Variants in SHOC1 observed in about 807,000 individuals in gnomAD.
SHOC1 encodes the protein protein shortage in chiasmata 1 ortholog.
A neutral mutation model predicts 179.2 loss-of-function variants in SHOC1; 136 were observed. The ratio of observed to expected loss-of-function variants is 0.76; its 90% CI spans 0.66 to 0.87. SHOC1 has a LOEUF of 0.87. Ranked by LOEUF, SHOC1 falls within the 40% of genes least tolerant of loss-of-function variation. SHOC1 has a pLI of 0.00. For missense variants in SHOC1, 1,538 were observed against 1,700.8 expected, an observed-to-expected ratio of 0.90 and a Z score of 1.68; for synonymous variants, 489 against 586.6, an observed-to-expected ratio of 0.83 and a Z score of 2.41.
intron 22 of SHOC1, 86 bp from the exon 23 acceptor site, chr9:111,702,312 A>G: frequency 1.1e-6 from 1 of 918,674 alleles, no homozygotes; most frequent in South Asian, 1.6e-5. Flanking sequence ...AGAATCTATG[A>G]CATATAAATA....
chr9:111,758,906 G>C (rs982350625), intron 5 of SHOC1, 58 bp from the exon 6 acceptor site: 3 of 1,045,030 alleles, frequency 2.9e-6, no homozygotes, highest in African/African-American at 3.2e-5. Context: ...TATCCAAAGA[G>C]ATCTAGATAG....
Position 111,694,372 on chromosome 9 carries a change from AT to A in SHOC1, c.3184-11del, listed in dbSNP as rs1423243589. The A allele has an allele frequency of 1.9e-6, 3 of 1,590,388 alleles. No homozygotes were observed. Among genetic ancestry groups the A allele is most frequent in the African/African-American group, 2.7e-5 (2 of 74,252 alleles). Reference sequence around the variant, plus strand: ...CTGGGGCAATTATAAGCTAAAAAATATTTTTTATGTTAGATTATAGGAAATA... The same window carrying A: ...CTGGGGCAATTATAAGCTAAAAAATATTTTTATGTTAGATTATAGGAAATA... On this transcript the variant is annotated splice_polypyrimidine_tract_variant and intron_variant, in intron 24 of 27. Coordinates refer to ENST00000682961, the MANE Select transcript of SHOC1 (RefSeq NM_001378211.1).
Position 111,724,921 on chromosome 9 carries a change from T to G in SHOC1, c.1835-1010A>C, listed in dbSNP as rs149583713. Among the ~76,000 whole-genome samples the G allele has an allele frequency of 1.1e-3, 165 of 152,270 alleles. 1 individual carries two copies. Among genetic ancestry groups the G allele is most frequent in the Admixed American group, 2.9e-3 (45 of 15,290 alleles). On this transcript the variant is annotated intron_variant, in intron 13 of 27. Coordinates refer to ENST00000682961, the MANE Select transcript of SHOC1 (RefSeq NM_001378211.1). ...GTAATTTAGTGCCAGGCACAAAGTA[T>G]CTAATAAATGTTAGTTTTTTTTTCT... is the stretch of plus-strand genomic sequence containing the variant.
rs186643128 is a variant in SHOC1, at chr9:111,717,454, A to T, written c.2236+730T>A. ...ACTAAAAATACAAAATTAGCCAGGC[A>T]TGGTGGCGGGCGCCTGTAATTCCAG... On this transcript the variant is annotated intron_variant, in intron 16 of 27. Transcript: ENST00000682961. Among the ~76,000 whole-genome samples the T allele has an allele frequency of 2.1e-3, 322 of 152,144 alleles. 2 individuals carry two copies. Among genetic ancestry groups the T allele is most frequent in the Non-Finnish European group, 3.0e-3 (206 of 67,982 alleles).
At chr9:111,792,477 C>T (rs991541301) in intron 1 of SHOC1, among the ~76,000 whole-genome samples, 2 of 152,038 alleles carry the variant, frequency 1.3e-5, no homozygotes, top group Non-Finnish European at 2.9e-5. Context: ...TGGTGTGCAC[C>T]TGTAGTCCCA....
At chr9:111,761,893 A>G (rs531013873) in intron 5 of SHOC1, among the ~76,000 whole-genome samples, 1 of 152,294 alleles carries the variant, frequency 6.6e-6, no homozygotes, top group Admixed American at 6.5e-5. Context: ...TTACCACAAC[A>G]TCAGCAGTAA....
At chr9:111,759,195 A>C in intron 5 of SHOC1, 1 of 1,613,470 alleles carries the variant, frequency 6.2e-7, no homozygotes, top group Non-Finnish European at 8.5e-7. Flanking sequence ...AAAATTTTAA[A>C]GAAATAGAAG....
At chr9:111,709,018 T>C (rs1030105612) in intron 18 of SHOC1, among the ~76,000 whole-genome samples, 4 of 152,172 alleles carry the variant, frequency 2.6e-5, no homozygotes, top group African/African-American at 7.2e-5. Flanking sequence ...TATTTCTCTT[T>C]TATAATTCAT....
rs1483636774 is a variant in SHOC1 at position 111,732,486 on chromosome 9, C to T, written c.1418-4437G>A. On this transcript the variant is annotated intron_variant, in intron 12 of 27. Transcript: ENST00000682961. ...CACAAAAATATTTATAACTTTTATT[C>T]ACAATAATAAAAAACTGGGGGAAAA... 2.6e-5 allele frequency among the ~76,000 whole-genome samples: 4 copies of T among 151,978 alleles called. No individual in the cohort carries two copies. In the East Asian group the frequency reaches 7.7e-4, roughly 29 times the overall value.
chr9:111,786,871 C>T (rs1050126816), intron 2 of SHOC1, among the ~76,000 whole-genome samples: 1 of 152,156 alleles, frequency 6.6e-6, no homozygotes, highest in Non-Finnish European at 1.5e-5. Context: ...CTTCAAAGGA[C>T]AAGCTGACTC....
rs903447031 is a variant in SHOC1, at chr9:111,699,811, T to C, written c.3183+143A>G. On this transcript the variant is annotated intron_variant, in intron 24 of 27. Transcript: ENST00000682961. ...AACAGAATAATGATAAAATGTTTAT[T>C]AATTTGAAAACTATTCTTTATTTAG... 3 of 498,192 alleles carry C rather than the reference T, an allele frequency of 6.0e-6. No individual in the cohort carries two copies. In the East Asian group the frequency reaches 9.3e-5, roughly 15 times the overall value. The allele number at this position is 498,192 out of a possible 1,614,324, so 30.9% of individuals were successfully genotyped here.
At chr9:111,781,461 G>T (rs1265911580) in intron 3 of SHOC1, among the ~76,000 whole-genome samples, 2 of 152,190 alleles carry the variant, frequency 1.3e-5, no homozygotes, top group East Asian at 3.9e-4. Flanking sequence ...AGTGGCTCAT[G>T]CCTGTAATCC....
chr9:111,744,048 A>G (rs1834155306), intron 10 of SHOC1, among the ~76,000 whole-genome samples: 1 of 152,192 alleles, frequency 6.6e-6, no homozygotes, highest in Non-Finnish European at 1.5e-5. Flanking sequence ...CTTATTAGAT[A>G]TTTGAGTTAT....
chr9:111,707,704 T>C (rs1235882375), intron 19 of SHOC1, 151 bp downstream of exon 19: 5 of 556,806 alleles, frequency 9.0e-6, no homozygotes, highest in Non-Finnish European at 6.4e-6. Flanking sequence ...AGAATTAAAG[T>C]GCCCTATGTA....
intron 18 of SHOC1, 59 bp from the exon 19 acceptor site, chr9:111,707,983 G>T: frequency 1.0e-6 from 1 of 964,532 alleles, no homozygotes; most frequent in Non-Finnish European, 1.5e-6. Context: ...TTTTTGGTAT[G>T]TCATATATTT....
intron 14 of SHOC1, 119 bp from the exon 15 acceptor site, chr9:111,722,704 T>C: frequency 1.4e-6 from 1 of 730,272 alleles, no homozygotes; most frequent in Non-Finnish European, 2.1e-6. Flanking sequence ...TTTTCTGAGT[T>C]AAAAATAATG....
chr9:111,725,849 A>T (rs4978458), intron 13 of SHOC1, among the ~76,000 whole-genome samples: 121,741 of 152,134 alleles, frequency 0.8, 48,881 homozygotes, highest in East Asian at 0.92. Flanking sequence ...TGATCTTTTC[A>T]ATTTTTATTC....
chr9:111,705,190 C>T (rs1047571957), intron 21 of SHOC1, 57 bp downstream of exon 21: 4 of 714,944 alleles, frequency 5.6e-6, no homozygotes, highest in African/African-American at 3.7e-5. Flanking sequence ...CACACACACA[C>T]ACACACATAT....
intron 7 of SHOC1, among the ~76,000 whole-genome samples, chr9:111,757,400 C>A (rs1286791210): frequency 2.0e-5 from 3 of 152,100 alleles, no homozygotes; most frequent in Non-Finnish European, 4.4e-5. Flanking sequence ...CCGCGCCCGG[C>A]CAAAAAATGT....
Sources: gnomAD v4.1 joint callset for allele counts (sites outside exome capture counted in the v4.1 genomes callset) on GRCh38, gnomAD v4.1.1 for gene constraint, MANE v1.5 for transcripts, NCBI Gene and HGNC (gene_info 2026-07-23, HGNC 2026-07-21) for gene names.